Variants in CADM2 observed in about 807,000 individuals in gnomAD.
CADM2 encodes cell adhesion molecule 2, also known as immunoglobulin superfamily member 4D.
In CADM2, 12 loss-of-function variants were observed where a neutral mutation model predicts 49.8. That is an observed-to-expected ratio of 0.24 (90% CI 0.15 to 0.39). The LOEUF is 0.39. CADM2 is among the 10% of genes least tolerant of loss of function. The pLI, the probability that CADM2 is intolerant of heterozygous loss-of-function variation, is 1.00. For missense variants in CADM2, 378 were observed against 492.3 expected (o/e 0.77, Z 2.20); for synonymous variants, 214 against 175.4 (o/e 1.22, Z -1.74).
intron 1 of CADM2, among the ~76,000 whole-genome samples, chr3:85,329,092 G>A (rs1420703117): frequency 6.6e-6 from 1 of 152,090 alleles, no homozygotes; most frequent in Admixed American, 6.6e-5. Flanking sequence ...TGTATAGGGA[G>A]ATAACTGTAT....
At chr3:85,095,210 A>G (rs2037749243) in intron 1 of CADM2, among the ~76,000 whole-genome samples, 1 of 152,180 alleles carries the variant, frequency 6.6e-6, no homozygotes, top group Admixed American at 6.5e-5. Context: ...TTCTTGTAAA[A>G]TCTAGAGATG....
At chr3:85,219,854 T>C (rs1395745799) in intron 1 of CADM2, among the ~76,000 whole-genome samples, 1 of 152,100 alleles carries the variant, frequency 6.6e-6, no homozygotes, top group African/African-American at 2.4e-5. Context: ...ATTATAATGG[T>C]AGAGACATGA....
intron 1 of CADM2, among the ~76,000 whole-genome samples, chr3:85,480,989 A>T (rs990313715): frequency 2.6e-5 from 4 of 151,654 alleles, no homozygotes; most frequent in African/African-American, 9.7e-5. Flanking sequence ...CATAAGCATT[A>T]AATATTTTCT....
chr3:85,018,466 C>CT (rs2107282034), intron 1 of CADM2, among the ~76,000 whole-genome samples: 1 of 152,244 alleles, frequency 6.6e-6, no homozygotes, highest in African/African-American at 2.4e-5. Context: ...CAACCTCTGT[C>CT]TCCAGGGTTC....
chr3:86,053,262 G>A (rs1268021827), intron 8 of CADM2, among the ~76,000 whole-genome samples: 1 of 152,094 alleles, frequency 6.6e-6, no homozygotes, highest in African/African-American at 2.4e-5. Flanking sequence ...ATTACATTAA[G>A]AGACTAGATT....
intron 1 of CADM2, among the ~76,000 whole-genome samples, chr3:85,375,740 T>C (rs908566661): frequency 1.3e-5 from 2 of 152,178 alleles, no homozygotes; most frequent in Admixed American, 6.5e-5. Flanking sequence ...CTTCCATTGA[T>C]TTATATGAAT....
intron 4 of CADM2, among the ~76,000 whole-genome samples, chr3:85,883,690 TAGC>T (rs1332520867): frequency 6.6e-6 from 1 of 152,234 alleles, no homozygotes; most frequent in Non-Finnish European, 1.5e-5. Context: ...TTTTGTTTCT[TAGC>T]CAGCAATAGA....
At chr3:85,719,784 C>T (rs578170213) in intron 1 of CADM2, among the ~76,000 whole-genome samples, 1 of 152,218 alleles carries the variant, frequency 6.6e-6, no homozygotes, top group Admixed American at 6.5e-5. Flanking sequence ...AACAGGAAAA[C>T]ATCCAAGTTT....
chr3:85,219,883 G>A (rs1215071898), intron 1 of CADM2, among the ~76,000 whole-genome samples: 1 of 152,050 alleles, frequency 6.6e-6, no homozygotes, highest in Non-Finnish European at 1.5e-5. Flanking sequence ...TAATACAACT[G>A]CATACAATTT....
chr3:85,572,188 T>C (rs1336596814), intron 1 of CADM2, among the ~76,000 whole-genome samples: 3 of 152,106 alleles, frequency 2.0e-5, no homozygotes, highest in African/African-American at 7.2e-5. Context: ...TCTCAGCTAC[T>C]GGGAAGGCTG....
At chr3:85,576,920 G>A (rs868171008) in intron 1 of CADM2, among the ~76,000 whole-genome samples, 2 of 151,908 alleles carry the variant, frequency 1.3e-5, no homozygotes, top group South Asian at 2.1e-4. Context: ...TTTACCCAGA[G>A]CCACCAAGAA....
At chr3:85,630,625 T>C (rs1256509847) in intron 1 of CADM2, among the ~76,000 whole-genome samples, 1 of 152,118 alleles carries the variant, frequency 6.6e-6, no homozygotes, top group Non-Finnish European at 1.5e-5. Context: ...ATAATTCTTA[T>C]ACAGTCCCAA....
In CADM2 at chr3:85,554,874, T is replaced by A. The variant is rs76204589; in HGVS notation, c.62-171648T>A. ...ATTTTTTTATTTGACTTTATTTTTT[T>A]TATTTTTATTTTTTTTTTTTTTGTG... On this transcript the variant is annotated intron_variant, in intron 1 of 9. Coordinates refer to ENST00000383699, the MANE Select transcript of CADM2 (RefSeq NM_001167675.2). Among the ~76,000 whole-genome samples the A allele has an allele frequency of 3.3e-5, 3 of 90,328 alleles. No individual in the cohort carries two copies. In the South Asian group the frequency reaches 9.7e-4, roughly 29 times the overall value. The allele number at this position is 90,328 out of a possible 152,430, so 59.3% of individuals were successfully genotyped here. A position where few individuals can be genotyped will look rare whatever the true frequency, so the allele number is the denominator to read the frequency against.
chr3:85,287,509 C>T (rs2043663172), intron 1 of CADM2, among the ~76,000 whole-genome samples: 1 of 152,008 alleles, frequency 6.6e-6, no homozygotes, highest in South Asian at 2.1e-4. Context: ...AATGAGATTT[C>T]TTCTCATTCC....
intron 1 of CADM2, among the ~76,000 whole-genome samples, chr3:85,487,622 G>A (rs2039478638): frequency 6.9e-6 from 1 of 144,666 alleles, no homozygotes; most frequent in Admixed American, 7.1e-5. Context: ...GGAGGAGGAA[G>A]TGGAGGAGGA....
intron 1 of CADM2, among the ~76,000 whole-genome samples, chr3:85,345,399 A>T (rs2030520817): frequency 6.6e-6 from 1 of 151,994 alleles, no homozygotes; most frequent in African/African-American, 2.4e-5. Context: ...CAAAAACAAA[A>T]AATTGAATCA....
At chr3:84,981,009 G>A (rs1431174516) in intron 1 of CADM2, among the ~76,000 whole-genome samples, 1 of 151,686 alleles carries the variant, frequency 6.6e-6, no homozygotes, top group African/African-American at 2.4e-5. Context: ...TAAGTTTTAG[G>A]GTACATGTGC....
intron 6 of CADM2, among the ~76,000 whole-genome samples, chr3:85,932,998 G>C (rs1420544190): frequency 6.6e-6 from 1 of 152,146 alleles, no homozygotes; most frequent in Admixed American, 6.6e-5. Flanking sequence ...GGGAACATTT[G>C]TTACACAGAT....
intron 8 of CADM2, among the ~76,000 whole-genome samples, chr3:85,998,107 A>C (rs1186712358): frequency 6.6e-6 from 1 of 152,168 alleles, no homozygotes; most frequent in East Asian, 1.9e-4. Context: ...GAGTAATCCC[A>C]CCAGACATAG....
Sources: gnomAD v4.1 joint callset for allele counts (sites outside exome capture counted in the v4.1 genomes callset) on GRCh38, gnomAD v4.1.1 for gene constraint, MANE v1.5 for transcripts, NCBI Gene and HGNC (gene_info 2026-07-23, HGNC 2026-07-21) for gene names.